The following TM2D2 variants were observed in gnomAD, a reference collection of about 807,000 sequenced individuals.
The protein encoded by TM2D2 is TM2 domain containing 2.
Under a neutral mutation model 23.0 loss-of-function variants are expected in TM2D2, and 19 were observed. The ratio of observed to expected loss-of-function variants is 0.82; its 90% CI spans 0.58 to 1.21. The LOEUF is 1.21. Among genes scored for constraint, TM2D2 ranks in the 50% most tolerant of loss-of-function variants. The probability of loss-of-function intolerance (pLI) is 0.00; values close to 1 mark genes in which losing one functional copy is unlikely to be tolerated. For synonymous variants in TM2D2, 120 were observed against 108.8 expected (o/e 1.10, Z -0.64); for missense variants, 246 against 265.4 (o/e 0.93, Z 0.51).
chr8:38,996,341 G>A lies in TM2D2; in HGVS notation c.99C>T (p.Ser33=), dbSNP rs201385593. Residue 33 remains serine, a synonymous_variant, in exon 1 of 4, where the codon AGC becomes AGT. Coordinates refer to ENST00000456397, the MANE Select transcript of TM2D2 (RefSeq NM_078473.3). ...NLLLLHCVSR[S]HSQNATAEPE... is the part of the protein sequence containing the mutation. ...GCTCAGCGGTCGCATTTTGCGAGTGGCTCCGAGACACACAATGCAGCAGAA... is the reference window on the plus strand; with the variant it reads ...GCTCAGCGGTCGCATTTTGCGAGTGACTCCGAGACACACAATGCAGCAGAA... The A allele has an allele frequency of 6.2e-6, 10 of 1,614,172 alleles. No individual in the cohort carries two copies. Among genetic ancestry groups the A allele is most frequent in the African/African-American group, 5.3e-5 (4 of 75,056 alleles).
At chr8:38,992,042 T>G (rs1200225470) in intron 3 of TM2D2, among the ~76,000 whole-genome samples, 1 of 152,082 alleles carries the variant, frequency 6.6e-6, no homozygotes, top group African/African-American at 2.4e-5. Flanking sequence ...TCTAGACTAG[T>G]TTGCATATCA....
chr8:38,991,561 G>GA lies in TM2D2; in HGVS notation c.432-17dup. ...TCCGGTATACCTAGGTGAAAGGAAT[G>GA]AAAAGGAAGATGTTTTACTGCACGA... is the stretch of plus-strand genomic sequence containing the variant. On this transcript the variant is annotated splice_polypyrimidine_tract_variant and intron_variant, in intron 3 of 3. Coordinates refer to ENST00000456397, the MANE Select transcript of TM2D2 (RefSeq NM_078473.3). 6.3e-7 allele frequency: 1 copy of GA among 1,588,180 alleles called. No homozygotes were observed. The highest frequency in any genetic ancestry group is 8.6e-7 in the Non-Finnish European group (1 of 1,156,780).
chr8:38,995,886 G>A, intron 1 of TM2D2: 1 of 945,964 alleles, frequency 1.1e-6, no homozygotes, highest in Non-Finnish European at 1.4e-6. Context: ...CTCAGTACTG[G>A]CACCGAATCG....
Position 38,996,470 on chromosome 8 carries a change from T to C in TM2D2, c.-31A>G. On this transcript the variant is annotated 5_prime_UTR_variant, in exon 1 of 4. Coordinates refer to ENST00000456397, the MANE Select transcript of TM2D2 (RefSeq NM_078473.3). The stretch of plus-strand genomic sequence containing the variant: ...CGGGCACAGGAGCGGAGACCCGGCC[T>C]CAACCACAACCCCAGGCCAGCAGCA... 6.2e-7 allele frequency: 1 copy of C among 1,612,786 alleles called. No individual in the cohort carries two copies. The highest frequency in any genetic ancestry group is 1.1e-5 in the South Asian group (1 of 91,040).
At position 38,990,501 on chromosome 8, in the gene TM2D2, A is replaced by G. The variant is rs903633303; in HGVS notation, c.*831T>C. Reference sequence around the variant, plus strand: ...CTGCTGCAGCCCACAGGGAGAGCTAATCATGAAGAATAGTTTTACAGAAAC... The same window carrying G: ...CTGCTGCAGCCCACAGGGAGAGCTAGTCATGAAGAATAGTTTTACAGAAAC... On this transcript the variant is annotated 3_prime_UTR_variant, in exon 4 of 4. Coordinates refer to ENST00000456397, the MANE Select transcript of TM2D2 (RefSeq NM_078473.3). The G allele has an allele frequency of 3.9e-5, 6 of 152,236 alleles. No homozygotes were observed. Among genetic ancestry groups the G allele is most frequent in the Non-Finnish European group, 7.3e-5 (5 of 68,040 alleles). The allele number at this position is 152,236 out of a possible 1,614,324, so 9.4% of individuals were successfully genotyped here. A position where few individuals can be genotyped will look rare whatever the true frequency, so the allele number is the denominator to read the frequency against.
chr8:38,990,052 C>T lies in TM2D2; in HGVS notation c.*1280G>A, dbSNP rs770325762. On this transcript the variant is annotated 3_prime_UTR_variant, in exon 4 of 4. Coordinates refer to ENST00000456397, the MANE Select transcript of TM2D2 (RefSeq NM_078473.3). ...AAGCAAGGTTAAGGTCAGTGTGGTA[C>T]AGAACTTTCAAGACAGAATAGGATC... The T allele has an allele frequency of 1.3e-5, 2 of 152,148 alleles. No homozygotes were observed. Among genetic ancestry groups the T allele is most frequent in the African/African-American group, 2.4e-5 (1 of 41,428 alleles). The allele number at this position is 152,148 out of a possible 1,614,324, so 9.4% of individuals were successfully genotyped here.
In TM2D2 at chr8:38,989,221, G is replaced by T. The variant is rs1331249648; in HGVS notation, c.*2111C>A. The T allele has an allele frequency of 1.3e-5, 2 of 152,166 alleles. No homozygotes were observed. Among genetic ancestry groups the T allele is most frequent in the Non-Finnish European group, 2.9e-5 (2 of 68,038 alleles). The allele number at this position is 152,166 out of a possible 1,614,324, so 9.4% of individuals were successfully genotyped here. A position where few individuals can be genotyped will look rare whatever the true frequency, so the allele number is the denominator to read the frequency against. On this transcript the variant is annotated 3_prime_UTR_variant, in exon 4 of 4. Coordinates refer to ENST00000456397, the MANE Select transcript of TM2D2 (RefSeq NM_078473.3). ...CAGCAGCTTTACTGACAGTAAGAAG[G>T]GCATCTTCAGTAGTTTCTAGTCTTT...
At chr8:38,996,924 G>A, upstream of TM2D2, 2 of 1,394,196 alleles carry the variant, frequency 1.4e-6, no homozygotes, top group Non-Finnish European at 1.9e-6. Context: ...AGTGCCGCGC[G>A]CGTGCTCGTC....
chr8:38,995,843 C>A, intron 1 of TM2D2: 1 of 1,162,772 alleles, frequency 8.6e-7, no homozygotes, highest in Non-Finnish European at 1.1e-6. Context: ...GCCTTGTAGG[C>A]AGAGACAAGT....
At position 38,991,327 on chromosome 8, in the gene TM2D2, TC is replaced by T; in HGVS notation, c.*4del. ...CGCCTCCCTGGGCCATGATGGCAGCTCTTCTTAGTAAACAGTGCACCAGTTG... is the reference window on the plus strand; with the variant it reads ...CGCCTCCCTGGGCCATGATGGCAGCTTTCTTAGTAAACAGTGCACCAGTTG... On this transcript the variant is annotated 3_prime_UTR_variant, in exon 4 of 4. Transcript: ENST00000456397. 2 of 1,612,560 alleles carry T rather than the reference TC, an allele frequency of 1.2e-6. No homozygotes were observed. Among genetic ancestry groups the T allele is most frequent in the African/African-American group, 2.7e-5 (2 of 74,900 alleles).
At position 38,996,270 on chromosome 8, in the gene TM2D2, C is replaced by A; in HGVS notation, c.170G>T (p.Gly57Val). ...GTCGCCATATTCCCAGCTCGCAGCA[C>A]CCCCGGGGCCCTCCGGCTGGGCGGC... ...AGAAQPEGPG[G>V]AASWEYGDPH... The change falls in exon 1 of 4, where the codon GGT (glycine) becomes GTT (valine). Residue 57 changes from glycine to valine, a missense_variant. By Grantham distance (109) the Gly-to-Val change is moderately radical. Transcript: ENST00000456397. 6.2e-7 allele frequency: 1 copy of A among 1,614,016 alleles called. No individual in the cohort carries two copies. The highest frequency in any genetic ancestry group is 1.3e-5 in the African/African-American group (1 of 75,062).
rs1179649576 is a variant in TM2D2 at position 38,989,702 on chromosome 8, G to A, written c.*1630C>T. On this transcript the variant is annotated 3_prime_UTR_variant, in exon 4 of 4. Coordinates refer to ENST00000456397, the MANE Select transcript of TM2D2 (RefSeq NM_078473.3). ...GAGGTTAAAGTGTGAAATGAGGCAG[G>A]ACTTGGTTAGGTGAAAAGTAGCATC... 1 of 152,140 alleles carries A rather than the reference G, an allele frequency of 6.6e-6. No individual in the cohort carries two copies. The highest frequency in any genetic ancestry group is 2.1e-4 in the South Asian group (1 of 4,820). The allele number at this position is 152,140 out of a possible 1,614,324, so 9.4% of individuals were successfully genotyped here.
At chr8:38,996,860 C>T (rs1835822413), upstream of TM2D2, 1 of 1,459,856 alleles carries the variant, frequency 6.8e-7, no homozygotes, top group Non-Finnish European at 9.0e-7. Flanking sequence ...TTCCCTACGT[C>T]AGCGCAGCTA....
chr8:38,991,858 C>A (rs1835612121), intron 3 of TM2D2, among the ~76,000 whole-genome samples: 1 of 152,112 alleles, frequency 6.6e-6, no homozygotes, highest in Non-Finnish European at 1.5e-5. Flanking sequence ...GGGGTTTCTG[C>A]AGGAAAGGCA....
upstream of TM2D2, chr8:38,996,895 C>G: frequency 6.8e-7 from 1 of 1,465,360 alleles, no homozygotes; most frequent in Admixed American, 2.1e-5. Context: ...CGAGCTCGGA[C>G]CGAGGGCTCA....
At position 38,990,071 on chromosome 8, in the gene TM2D2, T is replaced by C. The variant is rs1835559366; in HGVS notation, c.*1261A>G. 1 of 152,218 alleles carries C rather than the reference T, an allele frequency of 6.6e-6. No individual in the cohort carries two copies. Among genetic ancestry groups the C allele is most frequent in the South Asian group, 2.1e-4 (1 of 4,838 alleles). 9.4% of individuals were successfully genotyped at this position (152,218 alleles called of 1,614,324 possible). ...GTGGTACAGAACTTTCAAGACAGAA[T>C]AGGATCATCTGTTTTAAATTTTTTA... On this transcript the variant is annotated 3_prime_UTR_variant, in exon 4 of 4. Transcript: ENST00000456397.
chr8:38,991,985 G>A (rs1020973189), intron 3 of TM2D2, among the ~76,000 whole-genome samples: 3 of 152,116 alleles, frequency 2.0e-5, no homozygotes, highest in South Asian at 2.1e-4. Flanking sequence ...CTAAGGCAGA[G>A]GAATATTATT....
chr8:38,992,507 T>C (rs1835633882), intron 3 of TM2D2, among the ~76,000 whole-genome samples: 1 of 151,938 alleles, frequency 6.6e-6, no homozygotes, highest in Admixed American at 6.6e-5. Context: ...AAATACGCAT[T>C]TTTTTATAAT....
At chr8:38,994,659 T>C (rs1487734853) in intron 2 of TM2D2, among the ~76,000 whole-genome samples, 1 of 152,204 alleles carries the variant, frequency 6.6e-6, no homozygotes, top group Non-Finnish European at 1.5e-5. Flanking sequence ...CATAATAGGA[T>C]GGCGAGTCCA....
Sources: allele counts gnomAD v4.1 joint callset (sites outside exome capture counted in the v4.1 genomes callset), GRCh38; gene constraint gnomAD v4.1.1; transcripts MANE v1.5; gene names NCBI Gene and HGNC (gene_info 2026-07-23, HGNC 2026-07-21).